The following FREM2 variants were observed in gnomAD, a reference collection of about 807,000 sequenced individuals.
FREM2 encodes the protein FRAS1 related extracellular matrix 2, also known as FRAS1-related extracellular matrix protein 2.
Under a neutral mutation model 219.9 loss-of-function variants are expected in FREM2, and 119 were observed. The observed-to-expected ratio is 0.54, with a 90% CI of 0.47 to 0.63. The LOEUF (loss-of-function observed/expected upper bound fraction) is 0.63. FREM2 is among the 30% of genes least tolerant of loss of function. The pLI is 0.00. For missense variants in FREM2, 4,030 were observed against 3,993.6 expected, an observed-to-expected ratio of 1.01 and a Z score of -0.25; for synonymous variants, 1,562 against 1,522.8, an observed-to-expected ratio of 1.03 and a Z score of -0.60.
intron 6 of FREM2, among the ~76,000 whole-genome samples, chr13:38,842,488 T>C (rs1876999877): frequency 6.6e-6 from 1 of 152,114 alleles, no homozygotes; most frequent in Non-Finnish European, 1.5e-5. Context: ...GGGACGTGGA[T>C]TGATTAGGCA....
rs375186692 is a variant in FREM2, at chr13:38,859,528, A to G, written c.7457A>G (p.Asn2486Ser). 6.2e-6 allele frequency: 10 copies of G among 1,614,014 alleles called. No individual in the cohort carries two copies. Among genetic ancestry groups the G allele is most frequent in the Non-Finnish European group, 8.5e-6 (10 of 1,180,020 alleles). ...SRVQCAARAVNTNGDEGLELM... is the reference protein window; with the variant it reads ...SRVQCAARAVSTNGDEGLELM... Reference sequence around the variant, plus strand: ...GTACAGTGCGCAGCTCGTGCTGTGAACACCAATGGGGATGAAGGCCTGGAG... The same window carrying G: ...GTACAGTGCGCAGCTCGTGCTGTGAGCACCAATGGGGATGAAGGCCTGGAG... Residue 2486 changes from asparagine to serine, a missense_variant, in exon 14 of 24, where the codon AAC becomes AGC. Around this residue, in one of 2 missense-constraint regions of FREM2, gnomAD observed 928 missense variants for 1,042.9 expected, o/e 0.89. Transcript: ENST00000280481.
intron 6 of FREM2, among the ~76,000 whole-genome samples, chr13:38,824,805 C>T (rs559814968): frequency 6.6e-6 from 1 of 151,908 alleles, no homozygotes; most frequent in Admixed American, 6.6e-5. Context: ...GGAAGTTACA[C>T]CTTATCAGAA....
chr13:38,717,412 C>CTTTTTTT lies in FREM2; in HGVS notation c.5263+19641_5263+19647dup, dbSNP rs386378868. On this transcript the variant is annotated intron_variant, in intron 2 of 23. Transcript: ENST00000280481. The stretch of plus-strand genomic sequence containing the variant: ...GTCCGATTAGAATTTTACATAAGTA[C>CTTTTTTT]TTTTTTTTTTTTTTTTTTTTTTGAG... Among the ~76,000 whole-genome samples, 96 of 90,138 alleles carry CTTTTTTT rather than the reference C, an allele frequency of 1.1e-3. 2 individuals carry two copies. Among genetic ancestry groups the CTTTTTTT allele is most frequent in the Non-Finnish European group, 1.5e-3 (72 of 48,898 alleles). 59.1% of individuals were successfully genotyped at this position (90,138 alleles called of 152,430 possible). A position where few individuals can be genotyped will look rare whatever the true frequency, so the allele number is the denominator to read the frequency against.
At chr13:38,740,254 A>C (rs1872187415) in intron 2 of FREM2, among the ~76,000 whole-genome samples, 2 of 152,236 alleles carry the variant, frequency 1.3e-5, no homozygotes, top group Admixed American at 1.3e-4. Flanking sequence ...AAGTTATTTA[A>C]TAAAACATTT....
intron 6 of FREM2, among the ~76,000 whole-genome samples, chr13:38,793,398 G>A (rs1874640011): frequency 6.6e-6 from 1 of 152,168 alleles, no homozygotes; most frequent in South Asian, 2.1e-4. Flanking sequence ...GAAGAGAGAA[G>A]GAAAGTGTGT....
At chr13:38,693,540 C>G (rs1869986114) in intron 1 of FREM2, among the ~76,000 whole-genome samples, 1 of 152,148 alleles carries the variant, frequency 6.6e-6, no homozygotes, top group Non-Finnish European at 1.5e-5. Flanking sequence ...GGGCTCCGTT[C>G]TGCAGAACAT....
At chr13:38,838,117 T>A (rs551356451) in intron 6 of FREM2, among the ~76,000 whole-genome samples, 57 of 152,328 alleles carry the variant, frequency 3.7e-4, no homozygotes, top group South Asian at 3.3e-3. Flanking sequence ...CTTTCCATAT[T>A]GAGTGCTTCC....
intron 15 of FREM2, among the ~76,000 whole-genome samples, chr13:38,863,732 T>C (rs1349644895): frequency 6.6e-6 from 1 of 152,228 alleles, no homozygotes; most frequent in Non-Finnish European, 1.5e-5. Flanking sequence ...AAATAATAAC[T>C]TACTATCATT....
intron 6 of FREM2, among the ~76,000 whole-genome samples, chr13:38,786,236 C>A (rs1242341834): frequency 6.6e-6 from 1 of 152,174 alleles, no homozygotes; most frequent in East Asian, 1.9e-4. Context: ...CCAGCTTCTG[C>A]TACCTTTGTG....
At chr13:38,816,662 G>C (rs1875780602) in intron 6 of FREM2, among the ~76,000 whole-genome samples, 1 of 151,618 alleles carries the variant, frequency 6.6e-6, no homozygotes. Flanking sequence ...GTAAGGTCAG[G>C]AACTAGACAA....
At chr13:38,751,606 C>T (rs1018677723) in intron 2 of FREM2, among the ~76,000 whole-genome samples, 3 of 152,104 alleles carry the variant, frequency 2.0e-5, no homozygotes, top group Non-Finnish European at 2.9e-5. Flanking sequence ...CTCTGAGCCC[C>T]AGGAGATTTC....
At chr13:38,859,266 A>G in intron 13 of FREM2, 21 bp from the exon 14 acceptor site, 1 of 1,612,928 alleles carries the variant, frequency 6.2e-7, no homozygotes, top group African/African-American at 1.3e-5. Context: ...TGTTCCTAAC[A>G]CAGTCATTTG....
At chr13:38,779,885 A>G (rs73184761) in intron 4 of FREM2, among the ~76,000 whole-genome samples, 36,754 of 152,046 alleles carry the variant, frequency 0.24, 4,605 homozygotes, top group Middle Eastern at 0.37. Flanking sequence ...GCTTTTTGTA[A>G]CTGGCCTCCG....
chr13:38,807,446 T>TA (rs932779296), intron 6 of FREM2, among the ~76,000 whole-genome samples: 4 of 150,884 alleles, frequency 2.7e-5, no homozygotes, highest in Admixed American at 1.3e-4. Context: ...GTTTTCTACT[T>TA]ACTTTGACCA....
intron 2 of FREM2, among the ~76,000 whole-genome samples, chr13:38,734,757 TTTTTTC>T: frequency 6.8e-6 from 1 of 147,922 alleles, no homozygotes; most frequent in South Asian, 2.2e-4. Flanking sequence ...TTTTTTTTTT[TTTTTTC>T]TGAAACACAG....
At chr13:38,864,127 C>T in intron 15 of FREM2, 148 bp from the exon 16 acceptor site, 1 of 682,938 alleles carries the variant, frequency 1.5e-6, no homozygotes, top group East Asian at 2.7e-5. Context: ...CGTCACCGGG[C>T]CTGGACACCA....
chr13:38,779,920 T>C (rs1874048616), intron 4 of FREM2, among the ~76,000 whole-genome samples: 1 of 152,218 alleles, frequency 6.6e-6, no homozygotes, highest in African/African-American at 2.4e-5. Context: ...CTGGTTGTCT[T>C]CATCCCTAGG....
At chr13:38,833,961 G>A (rs921248547) in intron 6 of FREM2, among the ~76,000 whole-genome samples, 5 of 152,000 alleles carry the variant, frequency 3.3e-5, no homozygotes, top group African/African-American at 4.8e-5. Context: ...TTTGCTTATC[G>A]AGTATATTAA....
rs568268025 is a variant in FREM2 at position 38,774,352 on chromosome 13, A to G, written c.5641+4544A>G. ...GCTTATTAAACATCTACTCTATGCCAGGAATGCTGCTAGGATCTAGGTAGT... is the reference window on the plus strand; with the variant it reads ...GCTTATTAAACATCTACTCTATGCCGGGAATGCTGCTAGGATCTAGGTAGT... On this transcript the variant is annotated intron_variant, in intron 4 of 23. Transcript: ENST00000280481. 2.0e-5 allele frequency among the ~76,000 whole-genome samples: 3 copies of G among 152,338 alleles called. No homozygotes were observed. In the South Asian group the frequency reaches 6.2e-4, roughly 32 times the overall value.
Sources: gnomAD v4.1 joint callset for allele counts (sites outside exome capture counted in the v4.1 genomes callset) on GRCh38, gnomAD v4.1.1 for gene constraint, gnomAD v4.1.1 regional missense constraint, MANE v1.5 for transcripts, NCBI Gene and HGNC (gene_info 2026-07-23, HGNC 2026-07-21) for gene names.